Variants in SMC6 observed in about 807,000 individuals in gnomAD.
SMC6 encodes the protein structural maintenance of chromosomes protein 6.
A neutral mutation model predicts 142.2 loss-of-function variants in SMC6; 79 were observed. The observed-to-expected ratio is 0.56, with a 90% CI of 0.46 to 0.67. The LOEUF is 0.67. SMC6 is among the 30% of genes least tolerant of loss of function. SMC6 has a pLI of 0.00. For synonymous variants in SMC6, 411 were observed against 412.4 expected (o/e 1.00, Z 0.04); for missense variants, 1,072 against 1,284.0 (o/e 0.83, Z 2.52).
Position 17,753,011 on chromosome 2 carries a change from C to T in SMC6, c.-39G>A, listed in dbSNP as rs1671139002. 8 of 985,018 alleles carry T rather than the reference C, an allele frequency of 8.1e-6. No individual in the cohort carries two copies. The highest frequency in any genetic ancestry group is 9.6e-6 in the Non-Finnish European group (8 of 829,552). 61.0% of individuals were successfully genotyped at this position (985,018 alleles called of 1,614,324 possible). On this transcript the variant is annotated 5_prime_UTR_variant, in exon 2 of 28. Coordinates refer to ENST00000448223, the MANE Select transcript of SMC6 (RefSeq NM_001142286.2). ...CTATTGGTTCTACAACCTTTCTCTA[C>T]CCTAGAGTCCTGTTTTCCGCAATTC... is the stretch of plus-strand genomic sequence containing the variant.
chr2:17,677,811 G>C (rs1667066714), intron 25 of SMC6, among the ~76,000 whole-genome samples: 2 of 152,132 alleles, frequency 1.3e-5, no homozygotes, highest in South Asian at 4.1e-4. Flanking sequence ...AGAAATTAAA[G>C]AGAGAGTAAA....
chr2:17,692,229 A>G (rs1667766270), intron 23 of SMC6, among the ~76,000 whole-genome samples: 1 of 152,202 alleles, frequency 6.6e-6, no homozygotes, highest in Non-Finnish European at 1.5e-5. Context: ...TGGAACCAAA[A>G]AAGAGCCCGC....
intron 23 of SMC6, among the ~76,000 whole-genome samples, chr2:17,686,939 G>C (rs1667482139): frequency 6.6e-6 from 1 of 152,042 alleles, no homozygotes; most frequent in Non-Finnish European, 1.5e-5. Flanking sequence ...TTACCTTCAG[G>C]CTATGTGTAT....
At chr2:17,750,331 A>G (rs1271116873) in intron 2 of SMC6, among the ~76,000 whole-genome samples, 2 of 152,240 alleles carry the variant, frequency 1.3e-5, no homozygotes, top group African/African-American at 4.8e-5. Flanking sequence ...GTGAGTACAA[A>G]TGGGTGAGTA....
At position 17,741,640 on chromosome 2, in the gene SMC6, A is replaced by G; in HGVS notation, c.210T>C (p.Asn70=). Residue 70 remains asparagine, a synonymous_variant, in exon 4 of 28, where the codon AAT becomes AAC. Coordinates refer to ENST00000448223, the MANE Select transcript of SMC6 (RefSeq NM_001142286.2). The part of the protein sequence containing the change: ...SMLGPFKFGS[N]VNFVVGNNGS... ...CATTGTTGCCAACAACAAAGTTGAC[A>G]TTAGAACCAAACTTAAAAGGTCCAA... 6 of 1,611,694 alleles carry G rather than the reference A, an allele frequency of 3.7e-6. No individual in the cohort carries two copies. The highest frequency in any genetic ancestry group is 5.1e-6 in the Non-Finnish European group (6 of 1,179,092).
At chr2:17,750,784 T>C (rs1347935272) in intron 2 of SMC6, among the ~76,000 whole-genome samples, 1 of 152,086 alleles carries the variant, frequency 6.6e-6, no homozygotes. Context: ...GCGGATCACC[T>C]GAGGTCAGGA....
intron 21 of SMC6, among the ~76,000 whole-genome samples, chr2:17,698,404 T>C (rs2124926777): frequency 6.6e-6 from 1 of 152,222 alleles, no homozygotes; most frequent in Middle Eastern, 3.4e-3. Context: ...GTTACAGCTC[T>C]AATATTTGTT....
At chr2:17,675,106 T>C (rs1666939847) in intron 25 of SMC6, among the ~76,000 whole-genome samples, 1 of 151,912 alleles carries the variant, frequency 6.6e-6, no homozygotes, top group East Asian at 1.9e-4. Context: ...TATAATTGAG[T>C]ATTTTTGTTT....
At chr2:17,702,183 AT>A (rs1668301242) in intron 19 of SMC6, among the ~76,000 whole-genome samples, 1 of 152,074 alleles carries the variant, frequency 6.6e-6, no homozygotes, top group African/African-American at 2.4e-5. Context: ...AACGAGAAAA[AT>A]TTTTCTGAAA....
At chr2:17,692,435 C>T (rs375815841) in intron 23 of SMC6, among the ~76,000 whole-genome samples, 1 of 152,106 alleles carries the variant, frequency 6.6e-6, no homozygotes, top group Non-Finnish European at 1.5e-5. Flanking sequence ...TGACAAACCT[C>T]ACGAAAACAA....
Position 17,751,561 on chromosome 2 carries a change from T to C in SMC6, c.-6+1417A>G, listed in dbSNP as rs148888981. Among the ~76,000 whole-genome samples, 5 of 152,058 alleles carry C rather than the reference T, an allele frequency of 3.3e-5. No individual in the cohort carries two copies. In the East Asian group the frequency reaches 9.6e-4, roughly 29 times the overall value. ...TTTTGAGATAGAGGCCAGTCAGTAG[T>C]AAAGGATACTCTGCAATGGAGAAAG... On this transcript the variant is annotated intron_variant, in intron 2 of 27. Coordinates refer to ENST00000448223, the MANE Select transcript of SMC6 (RefSeq NM_001142286.2).
At chr2:17,742,398 T>C (rs1287978114) in intron 3 of SMC6, among the ~76,000 whole-genome samples, 1 of 152,186 alleles carries the variant, frequency 6.6e-6, no homozygotes, top group Non-Finnish European at 1.5e-5. Flanking sequence ...ATAAAGCATA[T>C]ACAGTTTCCA....
intron 2 of SMC6, among the ~76,000 whole-genome samples, chr2:17,748,914 C>G (rs1006042027): frequency 1.3e-5 from 2 of 152,222 alleles, no homozygotes; most frequent in African/African-American, 4.8e-5. Flanking sequence ...GAAGACAGTA[C>G]ACCCAAACAC....
In SMC6 at chr2:17,742,228, T is replaced by G. The variant is rs567417145; in HGVS notation, c.121-499A>C. 2.6e-5 allele frequency among the ~76,000 whole-genome samples: 4 copies of G among 152,314 alleles called. No individual in the cohort carries two copies. The South Asian group carries it at 8.3e-4, about 32-fold the overall frequency. On this transcript the variant is annotated intron_variant, in intron 3 of 27. Transcript: ENST00000448223. Reference sequence around the variant, plus strand: ...TCCTATATACTTTATTTAGAATACCTCTGAAAGATGACGATCCAGCCATGC... The same window carrying G: ...TCCTATATACTTTATTTAGAATACCGCTGAAAGATGACGATCCAGCCATGC...
chr2:17,671,514 T>C (rs1178123293), intron 25 of SMC6, among the ~76,000 whole-genome samples: 2 of 142,026 alleles, frequency 1.4e-5, no homozygotes, highest in African/African-American at 5.3e-5. Flanking sequence ...GAGGCTGAGG[T>C]GGGAGGATTG....
At chr2:17,736,560 C>G (rs1670162367) in intron 5 of SMC6, among the ~76,000 whole-genome samples, 1 of 152,032 alleles carries the variant, frequency 6.6e-6, no homozygotes, top group Non-Finnish European at 1.5e-5. Context: ...GTTTGGACAG[C>G]TAAGAAATGG....
intron 5 of SMC6, among the ~76,000 whole-genome samples, chr2:17,734,221 C>G (rs1258725811): frequency 6.6e-5 from 10 of 152,168 alleles, no homozygotes; most frequent in Admixed American, 6.5e-4. Flanking sequence ...GGGTCTCAGT[C>G]TGGTCCCTCA....
chr2:17,667,647 C>G (rs754398193), intron 26 of SMC6, among the ~76,000 whole-genome samples: 6 of 152,050 alleles, frequency 3.9e-5, no homozygotes, highest in Non-Finnish European at 1.5e-5. Flanking sequence ...GCCAGGAGCT[C>G]GAGATCAGCC....
rs1231229326 is a variant in SMC6 at position 17,718,194 on chromosome 2, G to T, written c.975C>A (p.Tyr325Ter). The T allele has an allele frequency of 6.2e-7, 1 of 1,605,658 alleles. No individual in the cohort carries two copies. Among genetic ancestry groups the T allele is most frequent in the Non-Finnish European group, 8.5e-7 (1 of 1,175,650 alleles). Residue 325 changes from tyrosine (Y) to a stop codon, truncating the protein, a stop_gained, in exon 12 of 28, where the codon TAC becomes TAA. Coordinates refer to ENST00000448223, the MANE Select transcript of SMC6 (RefSeq NM_001142286.2). LOFTEE classifies it high-confidence loss of function. ...QVRLNEAEQKYKDIQDKLEKI... is the reference protein window; with the variant it reads ...QVRLNEAEQK ...TTTCTAGTTTGTCTTGAATATCCTT[G>T]TACTTTTGTTCTGCCTCATTAAGTC...
Sources: gnomAD v4.1 joint callset for allele counts (sites outside exome capture counted in the v4.1 genomes callset) on GRCh38, gnomAD v4.1.1 for gene constraint, MANE v1.5 for transcripts, NCBI Gene and HGNC (gene_info 2026-07-23, HGNC 2026-07-21) for gene names.